Variants in KCNK5 observed in about 807,000 individuals in gnomAD.
KCNK5 encodes the protein potassium two pore domain channel subfamily K member 5.
Under a neutral mutation model 32.9 loss-of-function variants are expected in KCNK5, and 18 were observed. That is an observed-to-expected ratio of 0.55 (90% CI 0.38 to 0.81). KCNK5 has a LOEUF of 0.81. KCNK5 is among the 30% of genes least tolerant of loss of function. KCNK5 has a pLI of 0.00. For synonymous variants in KCNK5, 276 were observed against 275.3 expected (o/e 1.00, Z -0.03); for missense variants, 507 against 651.0 (o/e 0.78, Z 2.41).
intron 1 of KCNK5, among the ~76,000 whole-genome samples, chr6:39,221,999 T>A (rs1435140235): frequency 1.3e-5 from 2 of 152,162 alleles, no homozygotes; most frequent in African/African-American, 4.8e-5. Context: ...GGATAGCCAG[T>A]AGGGAGGGCC....
intron 1 of KCNK5, among the ~76,000 whole-genome samples, chr6:39,196,199 T>A (rs1367436105): frequency 6.6e-6 from 1 of 152,162 alleles, no homozygotes; most frequent in Admixed American, 6.5e-5. Context: ...GCAATCTGGC[T>A]CCAAAGTTCA....
intron 1 of KCNK5, among the ~76,000 whole-genome samples, chr6:39,216,173 T>A (rs996788205): frequency 2.0e-5 from 3 of 152,138 alleles, no homozygotes; most frequent in African/African-American, 7.2e-5. Context: ...TAATCCCAGC[T>A]ACTCAGGAGG....
chr6:39,193,279 G>A (rs897579829), intron 4 of KCNK5, among the ~76,000 whole-genome samples: 4 of 152,216 alleles, frequency 2.6e-5, no homozygotes, highest in Admixed American at 2.6e-4. Flanking sequence ...GCCCAGGACA[G>A]CAGGCCCGGA....
At chr6:39,199,230 C>T (rs1392333053) in intron 1 of KCNK5, among the ~76,000 whole-genome samples, 1 of 152,200 alleles carries the variant, frequency 6.6e-6, no homozygotes, top group African/African-American at 2.4e-5. Context: ...CAAAGGTAAC[C>T]TGTGATTTGG....
intron 1 of KCNK5, among the ~76,000 whole-genome samples, chr6:39,207,208 C>T (rs762038602): frequency 2.6e-5 from 4 of 152,194 alleles, no homozygotes; most frequent in Admixed American, 6.5e-5. Flanking sequence ...GAATATTAAG[C>T]CTCCGTCCCG....
Position 39,212,357 on chromosome 6 carries a change from G to A in KCNK5, c.187-16370C>T, listed in dbSNP as rs770451837. ...AGTCAAAAAGGTAAAATTGCATAGC[G>A]GCATGTGGGTAGTGACTACCATACT... On this transcript the variant is annotated intron_variant, in intron 1 of 4. Coordinates refer to ENST00000359534, the MANE Select transcript of KCNK5 (RefSeq NM_003740.4). 6.6e-5 allele frequency among the ~76,000 whole-genome samples: 10 copies of A among 152,132 alleles called. No homozygotes were observed. The East Asian group carries it at 1.2e-3, about 18-fold the overall frequency.
At chr6:39,216,045 G>A (rs1208842486) in intron 1 of KCNK5, among the ~76,000 whole-genome samples, 1 of 152,256 alleles carries the variant, frequency 6.6e-6, no homozygotes, top group Non-Finnish European at 1.5e-5. Flanking sequence ...TACCTTGGGA[G>A]GCCAAGGCGG....
intron 1 of KCNK5, among the ~76,000 whole-genome samples, chr6:39,226,027 C>A (rs1419425122): frequency 6.6e-6 from 1 of 152,194 alleles, no homozygotes; most frequent in Non-Finnish European, 1.5e-5. Context: ...TGGAGCCTCA[C>A]CAAACACTCA....
At chr6:39,228,264 A>C (rs1771708112) in intron 1 of KCNK5, among the ~76,000 whole-genome samples, 1 of 152,130 alleles carries the variant, frequency 6.6e-6, no homozygotes, top group Admixed American at 6.6e-5. Flanking sequence ...ACTTTCACAA[A>C]GTTTTACTCC....
chr6:39,191,414 C>T lies in KCNK5; in HGVS notation c.976G>A (p.Gly326Arg), dbSNP rs1420465177. Residue 326 changes from glycine (G) to arginine (R), a missense_variant, in exon 5 of 5, where the codon GGG (glycine) becomes AGG (arginine). By Grantham distance (125) the Gly-to-Arg change is moderately radical. Around this residue, in one of 6 missense-constraint regions of KCNK5, gnomAD observed 252 missense variants for 250.8 expected, o/e 1.00. Coordinates refer to ENST00000359534, the MANE Select transcript of KCNK5 (RefSeq NM_003740.4). The surrounding 1 kb of genome is among the most constrained non-coding windows in gnomAD (Gnocchi z 5.8). ...AGCCCACCGCCTTGAGGCCCCAGCC[C>T]TGGGCCCGGGCCCGTCTCCCCACCC... Reference protein sequence around the residue: ...SGGGETGPGPGLGPQGGGLPA... With the variant: ...SGGGETGPGPRLGPQGGGLPA... 3 of 1,613,368 alleles carry T rather than the reference C, an allele frequency of 1.9e-6. No individual in the cohort carries two copies. Among genetic ancestry groups the T allele is most frequent in the Non-Finnish European group, 1.7e-6 (2 of 1,180,020 alleles).
intron 1 of KCNK5, among the ~76,000 whole-genome samples, chr6:39,218,855 C>T (rs1771489785): frequency 6.6e-6 from 1 of 152,210 alleles, no homozygotes; most frequent in Non-Finnish European, 1.5e-5. Flanking sequence ...TCTCAGAAGC[C>T]TCTGAAAATT....
intron 1 of KCNK5, among the ~76,000 whole-genome samples, chr6:39,212,692 T>C (rs1218072923): frequency 6.6e-6 from 1 of 152,046 alleles, no homozygotes; most frequent in Admixed American, 6.6e-5. Flanking sequence ...CACCTTTGTG[T>C]GGGAAATGGA....
At chr6:39,213,087 C>A (rs1308938117) in intron 1 of KCNK5, among the ~76,000 whole-genome samples, 1 of 152,140 alleles carries the variant, frequency 6.6e-6, no homozygotes, top group Admixed American at 6.5e-5. Context: ...TCCTTTGGAG[C>A]CCACAGATAC....
In KCNK5 at chr6:39,229,411, A is replaced by C. The variant is rs540520146; in HGVS notation, c.-300T>G. On this transcript the variant is annotated 5_prime_UTR_variant, in exon 1 of 5. Transcript: ENST00000359534. ...AGGAGCGGGAAGAACACAGGACTTG[A>C]CTCTGGGCAGACACGTGGGCCGCTT... 9.7e-6 allele frequency: 4 copies of C among 413,708 alleles called. No individual in the cohort carries two copies. The highest frequency in any genetic ancestry group is 8.1e-5 in the African/African-American group (4 of 49,454). The allele number at this position is 413,708 out of a possible 1,614,324, so 25.6% of individuals were successfully genotyped here.
intron 1 of KCNK5, among the ~76,000 whole-genome samples, chr6:39,211,073 C>T (rs1182636135): frequency 6.6e-6 from 1 of 152,100 alleles, no homozygotes. Flanking sequence ...TCTTCCATTC[C>T]TTCTAGATTT....
rs112002643 is a variant in KCNK5 at position 39,206,648 on chromosome 6, C to G, written c.187-10661G>C. On this transcript the variant is annotated intron_variant, in intron 1 of 4. Transcript: ENST00000359534. ...AAGCTGGGCTGGCCAGTCTCTCCAA[C>G]ACAAATATCAAGTGTGGGGCCCTCT... is the stretch of plus-strand genomic sequence containing the variant. Among the ~76,000 whole-genome samples, 1,346 of 152,238 alleles carry G rather than the reference C, an allele frequency of 8.8e-3. 26 individuals are homozygous for G. The highest frequency in any genetic ancestry group is 0.03 in the African/African-American group (1,266 of 41,536).
At chr6:39,205,247 C>T (rs1771203763) in intron 1 of KCNK5, among the ~76,000 whole-genome samples, 2 of 152,166 alleles carry the variant, frequency 1.3e-5, no homozygotes, top group African/African-American at 4.8e-5. Flanking sequence ...CGGGCAGACA[C>T]AGGGGACCTC....
At chr6:39,207,961 T>A (rs1268414527) in intron 1 of KCNK5, among the ~76,000 whole-genome samples, 2 of 152,098 alleles carry the variant, frequency 1.3e-5, no homozygotes, top group East Asian at 3.9e-4. Context: ...ACCTGTATCC[T>A]TGAACACAGT....
rs1770992714 is a variant in KCNK5, at chr6:39,194,399, C to T, written c.466-62G>A. On this transcript the variant is annotated intron_variant, in intron 3 of 4. Coordinates refer to ENST00000359534, the MANE Select transcript of KCNK5 (RefSeq NM_003740.4). This position sits in a 1 kb window ranked among gnomAD's most constrained non-coding sequence, Gnocchi z 4.7. ...GAGACTTGGAAACCCAGCAAAGGCA[C>T]CCAGAGGGCCAGGGAGGCAGCTAGA... The T allele has an allele frequency of 1.3e-6, 2 of 1,537,414 alleles. No homozygotes were observed. The highest frequency in any genetic ancestry group is 1.9e-5 in the Admixed American group (1 of 52,544).
Sources: gnomAD v4.1 joint callset for allele counts (sites outside exome capture counted in the v4.1 genomes callset) on GRCh38, gnomAD v4.1.1 for gene constraint, gnomAD v4.1.1 regional missense constraint, Gnocchi (gnomAD v3.1) non-coding constraint, MANE v1.5 for transcripts, NCBI Gene and HGNC (gene_info 2026-07-23, HGNC 2026-07-21) for gene names.